CHODL: variants seen among roughly 807,000 people sequenced by gnomAD.
CHODL encodes chondrolectin, also known as transmembrane protein MT75.
A neutral mutation model predicts 34.5 loss-of-function variants in CHODL; 29 were observed. That is an observed-to-expected ratio of 0.84 (90% CI 0.63 to 1.15). The LOEUF (loss-of-function observed/expected upper bound fraction) is 1.15. Ranked by LOEUF, CHODL falls within the 50% of genes most tolerant of loss-of-function variation. The pLI, the probability that CHODL is intolerant of heterozygous loss-of-function variation, is 0.00. For missense variants in CHODL, 332 were observed against 332.5 expected, an observed-to-expected ratio of 1.00 and a Z score of 0.01; for synonymous variants, 125 against 116.1, an observed-to-expected ratio of 1.08 and a Z score of -0.49.
intron 1 of CHODL, among the ~76,000 whole-genome samples, chr21:18,016,020 T>C (rs1487736105): frequency 6.6e-6 from 1 of 152,116 alleles, no homozygotes; most frequent in Non-Finnish European, 1.5e-5. Flanking sequence ...AGCCTGACTA[T>C]GGTAGGAAAG....
At chr21:18,177,383 G>A (rs1327247449) in intron 2 of CHODL, among the ~76,000 whole-genome samples, 1 of 151,996 alleles carries the variant, frequency 6.6e-6, no homozygotes, top group African/African-American at 2.4e-5. Context: ...TTACTCTAGA[G>A]TCTAGCTCTT....
chr21:18,032,544 A>G (rs1483408611), intron 2 of CHODL, among the ~76,000 whole-genome samples: 2 of 152,070 alleles, frequency 1.3e-5, no homozygotes, highest in African/African-American at 2.4e-5. Context: ...TATCTCTCCA[A>G]TATGACTGGT....
At chr21:17,937,116 T>G (rs994480886) in intron 1 of CHODL, among the ~76,000 whole-genome samples, 2 of 147,244 alleles carry the variant, frequency 1.4e-5, no homozygotes, top group Non-Finnish European at 3.0e-5. Flanking sequence ...AGGAAGAGGA[T>G]AAATGTAGAA....
At chr21:18,166,905 A>G (rs528799734) in intron 2 of CHODL, among the ~76,000 whole-genome samples, 1 of 152,248 alleles carries the variant, frequency 6.6e-6, no homozygotes, top group African/African-American at 2.4e-5. Flanking sequence ...TTAAACAGCA[A>G]TGGAGTTTTC....
At chr21:17,997,424 A>G (rs150662619) in intron 1 of CHODL, among the ~76,000 whole-genome samples, 1 of 152,330 alleles carries the variant, frequency 6.6e-6, no homozygotes, top group East Asian at 1.9e-4. Context: ...TAGTACTGCT[A>G]CGAGCCAACA....
rs868376098 is a variant in CHODL, at chr21:18,171,202, T to C, written c.-44-85307T>C. Among the ~76,000 whole-genome samples the C allele has an allele frequency of 8.2e-3, 293 of 35,632 alleles. 93 individuals carry two copies. Among genetic ancestry groups the C allele is most frequent in the African/African-American group, 0.032 (260 of 8,010 alleles). The allele number at this position is 35,632 out of a possible 152,430, so 23.4% of individuals were successfully genotyped here. ...CTTCAGACATGGTTTTCTTTAGTTT[T>C]TTTTTTTTTTTTTTTGAGACGGAGT... On this transcript the variant is annotated intron_variant, in intron 2 of 6. Coordinates refer to the CHODL transcript ENST00000400127.
intron 2 of CHODL, among the ~76,000 whole-genome samples, chr21:18,163,292 G>A (rs1341253335): frequency 6.6e-6 from 1 of 152,172 alleles, no homozygotes; most frequent in Non-Finnish European, 1.5e-5. Context: ...CTCTAAACTT[G>A]CTTCTTAGAA....
chr21:18,262,443 C>T (rs1051317898), intron 4 of CHODL, among the ~76,000 whole-genome samples: 5 of 152,070 alleles, frequency 3.3e-5, no homozygotes, highest in African/African-American at 1.2e-4. Flanking sequence ...ATACTGAATG[C>T]TGTAGACAAC....
intron 2 of CHODL, among the ~76,000 whole-genome samples, chr21:18,099,003 A>G (rs185739019): frequency 9.1e-4 from 139 of 152,228 alleles, no homozygotes; most frequent in Non-Finnish European, 1.3e-3. Context: ...ATATTCTCAC[A>G]TATTTGTGGG....
chr21:18,087,911 G>C (rs1013921910), intron 2 of CHODL, among the ~76,000 whole-genome samples: 6 of 152,168 alleles, frequency 3.9e-5, no homozygotes, highest in African/African-American at 1.4e-4. Context: ...GGCTGCAGAG[G>C]CCTCAGGAAA....
At chr21:18,129,311 T>C (rs967856337) in intron 2 of CHODL, among the ~76,000 whole-genome samples, 5 of 152,172 alleles carry the variant, frequency 3.3e-5, no homozygotes, top group Non-Finnish European at 7.4e-5. Context: ...GTGGGATTGC[T>C]TTTGGTTTAT....
chr21:18,153,651 G>A (rs1000732609), intron 2 of CHODL, among the ~76,000 whole-genome samples: 10 of 151,916 alleles, frequency 6.6e-5, no homozygotes, highest in Non-Finnish European at 1.2e-4. Flanking sequence ...TGCCACTTTG[G>A]CATAAGGATT....
At chr21:18,167,504 T>C (rs944463001) in intron 2 of CHODL, among the ~76,000 whole-genome samples, 3 of 151,676 alleles carry the variant, frequency 2.0e-5, no homozygotes, top group Admixed American at 2.0e-4. Flanking sequence ...ACAGATGGGG[T>C]TTCACCGTGT....
intron 2 of CHODL, among the ~76,000 whole-genome samples, chr21:18,054,586 T>G (rs1178160433): frequency 6.6e-6 from 1 of 151,910 alleles, no homozygotes; most frequent in Non-Finnish European, 1.5e-5. Context: ...AGTAGAATGG[T>G]AGTTACCAGG....
At chr21:17,965,465 TTCC>T (rs2063564560) in intron 1 of CHODL, among the ~76,000 whole-genome samples, 1 of 152,096 alleles carries the variant, frequency 6.6e-6, no homozygotes, top group Non-Finnish European at 1.5e-5. Flanking sequence ...CCTCTTCCTC[TTCC>T]TCCTTCTTAT....
At chr21:18,174,123 GTATATATATATATATATATATA>G (rs1159511070) in intron 2 of CHODL, among the ~76,000 whole-genome samples, 11 of 21,558 alleles carry the variant, frequency 5.1e-4, no homozygotes, top group East Asian at 4.7e-3. Context: ...ATATCTTGGT[GTATATATATATATATATATATA>G]TATATATATA....
intron 2 of CHODL, among the ~76,000 whole-genome samples, chr21:18,108,871 GTT>G (rs2065310834): frequency 6.9e-6 from 1 of 145,838 alleles, no homozygotes; most frequent in African/African-American, 2.6e-5. Flanking sequence ...GTGTGTGTGT[GTT>G]TCTTCTAACT....
chr21:18,061,110 A>T (rs1179502225), intron 2 of CHODL, among the ~76,000 whole-genome samples: 2 of 152,230 alleles, frequency 1.3e-5, no homozygotes, highest in Non-Finnish European at 2.9e-5. Context: ...GGGTACTATA[A>T]CTAGGAGAAC....
intron 1 of CHODL, among the ~76,000 whole-genome samples, chr21:17,962,677 C>A (rs1024278614): frequency 6.6e-6 from 1 of 152,160 alleles, no homozygotes; most frequent in African/African-American, 2.4e-5. Flanking sequence ...AAGTGATATT[C>A]TTTTCCCTAC....
Sources: allele counts gnomAD v4.1 joint callset (sites outside exome capture counted in the v4.1 genomes callset), GRCh38; gene constraint gnomAD v4.1.1; transcripts MANE v1.5; gene names NCBI Gene and HGNC (gene_info 2026-07-23, HGNC 2026-07-21).